Variants in ZNF831 observed in about 807,000 individuals in gnomAD.
The protein encoded by ZNF831 is zinc finger protein 831, also known as chromosome 20 open reading frame 174.
Under a neutral mutation model 95.8 loss-of-function variants are expected in ZNF831, and 59 were observed. The observed-to-expected ratio is 0.62, with a 90% CI of 0.50 to 0.77. ZNF831 has a LOEUF of 0.77. Ranked by LOEUF, ZNF831 falls within the 30% of genes least tolerant of loss-of-function variation. The pLI is 0.00. For synonymous variants in ZNF831, 961 were observed against 925.5 expected (o/e 1.04, Z -0.70); for missense variants, 2,205 against 2,164.0 (o/e 1.02, Z -0.38).
intron 4 of ZNF831, among the ~76,000 whole-genome samples, 194 bp downstream of exon 4, chr20:59,207,250 G>T (rs1024893562): frequency 1.3e-5 from 2 of 152,196 alleles, no homozygotes; most frequent in African/African-American, 2.4e-5. Flanking sequence ...AGGGCATGTG[G>T]TAGAAGACGG....
chr20:59,134,134 T>C (rs903638914), intron 1 of ZNF831, among the ~76,000 whole-genome samples: 1 of 152,190 alleles, frequency 6.6e-6, no homozygotes, highest in Non-Finnish European at 1.5e-5. Context: ...TAATGTGGAC[T>C]ATCATGCCCA....
intron 2 of ZNF831, among the ~76,000 whole-genome samples, chr20:59,158,167 C>CTG (rs1980644219): frequency 6.6e-6 from 1 of 152,210 alleles, no homozygotes; most frequent in South Asian, 2.1e-4. Flanking sequence ...CTTTCATTAT[C>CTG]TGTGATGCAG....
In ZNF831 at chr20:59,195,931, G is replaced by A; in HGVS notation, c.3801G>A (p.Lys1267=). 6.2e-7 allele frequency: 1 copy of A among 1,614,194 alleles called. No homozygotes were observed. Among genetic ancestry groups the A allele is most frequent in the South Asian group, 1.1e-5 (1 of 91,080 alleles). Residue 1267 remains lysine, a synonymous_variant, in exon 3 of 6, where the codon AAG becomes AAA. Coordinates refer to ENST00000371030, the MANE Select transcript of ZNF831 (RefSeq NM_178457.3). ...ACCAGGTGTCTGAGCCAGAATGGAA[G>A]AAAGGCCTGCCTTGGAGGGCAAAGA... ...PQHQVSEPEW[K]KGLPWRAKMS...
intron 1 of ZNF831, among the ~76,000 whole-genome samples, chr20:59,135,027 AC>A (rs1979459887): frequency 6.6e-6 from 1 of 151,880 alleles, no homozygotes; most frequent in African/African-American, 2.4e-5. Context: ...TACACCAGCT[AC>A]CCCAGCAGTC....
At chr20:59,148,733 C>A (rs372694077) in intron 2 of ZNF831, among the ~76,000 whole-genome samples, 3 of 117,156 alleles carry the variant, frequency 2.6e-5, no homozygotes, top group African/African-American at 9.4e-5. Flanking sequence ...AAGAACAGAG[C>A]GTGAGAGCAA....
At chr20:59,145,885 C>CT (rs1979833207) in intron 1 of ZNF831, among the ~76,000 whole-genome samples, 2 of 152,222 alleles carry the variant, frequency 1.3e-5, no homozygotes, top group African/African-American at 2.4e-5. Flanking sequence ...CACCCTCCTC[C>CT]TCCTCAACTG....
intron 4 of ZNF831, among the ~76,000 whole-genome samples, chr20:59,224,222 G>C (rs1986289607): frequency 6.6e-6 from 1 of 152,168 alleles, no homozygotes; most frequent in Non-Finnish European, 1.5e-5. Context: ...CAACAAGTGC[G>C]TGCTCTGCAC....
At chr20:59,134,936 C>G (rs369374411) in intron 1 of ZNF831, among the ~76,000 whole-genome samples, 1 of 152,258 alleles carries the variant, frequency 6.6e-6, no homozygotes, top group African/African-American at 2.4e-5. Flanking sequence ...TGACAGGTAT[C>G]CACCTCCACT....
chr20:59,250,622 G>A (rs1987835702), intron 4 of ZNF831, among the ~76,000 whole-genome samples: 1 of 152,146 alleles, frequency 6.6e-6, no homozygotes, highest in African/African-American at 2.4e-5. Context: ...GGACTATGTA[G>A]GGGGAGGCAA....
chr20:59,136,936 T>C (rs781704503), intron 1 of ZNF831, among the ~76,000 whole-genome samples: 2 of 152,210 alleles, frequency 1.3e-5, no homozygotes, highest in Non-Finnish European at 2.9e-5. Flanking sequence ...AGTTTTCATG[T>C]CCCAACCTTA....
At chr20:59,223,432 A>G (rs942075876) in intron 4 of ZNF831, among the ~76,000 whole-genome samples, 7 of 152,122 alleles carry the variant, frequency 4.6e-5, no homozygotes, top group African/African-American at 1.7e-4. Flanking sequence ...ACATGGAAAA[A>G]TGTTAATAAG....
At chr20:59,142,318 G>A (rs778073261) in intron 1 of ZNF831, among the ~76,000 whole-genome samples, 2 of 152,188 alleles carry the variant, frequency 1.3e-5, no homozygotes, top group Non-Finnish European at 2.9e-5. Context: ...GCTGGGAGCC[G>A]TACTTCCTTT....
chr20:59,242,444 TCTC>T (rs1056318547), intron 4 of ZNF831, among the ~76,000 whole-genome samples: 9 of 152,364 alleles, frequency 5.9e-5, no homozygotes, highest in African/African-American at 1.7e-4. Context: ...TTATATTTTT[TCTC>T]CTCATATATC....
chr20:59,127,536 G>A (rs1330919213), intron 1 of ZNF831, among the ~76,000 whole-genome samples: 1 of 152,206 alleles, frequency 6.6e-6, no homozygotes, highest in East Asian at 1.9e-4. Flanking sequence ...GCGTGTTTCA[G>A]CCCAGATGGT....
chr20:59,152,266 A>G (rs1257393035), intron 2 of ZNF831, among the ~76,000 whole-genome samples: 1 of 152,188 alleles, frequency 6.6e-6, no homozygotes, highest in Non-Finnish European at 1.5e-5. Flanking sequence ...ACAGGCATAA[A>G]TTCACCTAAA....
intron 4 of ZNF831, among the ~76,000 whole-genome samples, chr20:59,225,475 GATTTCTCTATT>G (rs1381332094): frequency 1.3e-5 from 2 of 152,272 alleles, no homozygotes; most frequent in East Asian, 3.9e-4. Context: ...AGAAAATGAT[GATTTCTCTATT>G]ATTTTGCTTA....
chr20:59,135,367 C>T (rs6026718), intron 1 of ZNF831, among the ~76,000 whole-genome samples: 153 of 152,072 alleles, frequency 1.0e-3, no homozygotes, highest in African/African-American at 3.4e-3. Context: ...GGGAGGATCA[C>T]TTGAGCCCAG....
intron 4 of ZNF831, among the ~76,000 whole-genome samples, chr20:59,239,811 C>T (rs7264992): frequency 0.39 from 59,219 of 152,166 alleles, 11,821 homozygotes; most frequent in South Asian, 0.66. Flanking sequence ...TCCCAGAGTG[C>T]TGGGATTACA....
chr20:59,205,548 A>C (rs1284078070), intron 3 of ZNF831, among the ~76,000 whole-genome samples: 1 of 152,170 alleles, frequency 6.6e-6, no homozygotes, highest in Non-Finnish European at 1.5e-5. Context: ...GCCAGGAAAA[A>C]CCAGTGCCCA....
Sources: gnomAD v4.1 joint callset for allele counts (sites outside exome capture counted in the v4.1 genomes callset) on GRCh38, gnomAD v4.1.1 for gene constraint, MANE v1.5 for transcripts, NCBI Gene and HGNC (gene_info 2026-07-23, HGNC 2026-07-21) for gene names.